FHIP1A: variants seen among roughly 807,000 people sequenced by gnomAD.
FHIP1A encodes the protein FHF complex subunit HOOK interacting protein 1A, also known as FHF complex subunit HOOK-interacting protein 1A.
Under a neutral mutation model 88.6 loss-of-function variants are expected in FHIP1A, and 61 were observed. The ratio of observed to expected loss-of-function variants is 0.69; its 90% CI spans 0.56 to 0.85. The LOEUF is 0.85. Ranked by LOEUF, FHIP1A falls within the 40% of genes least tolerant of loss-of-function variation. FHIP1A has a pLI of 0.00. For missense variants in FHIP1A, 1,154 were observed against 1,273.5 expected (o/e 0.91, Z 1.43); for synonymous variants, 478 against 496.0 (o/e 0.96, Z 0.48).
rs1054871834 is a variant in FHIP1A at position 151,429,289 on chromosome 4, A to G, written c.-356+19824A>G. Among the ~76,000 whole-genome samples the G allele has an allele frequency of 4.6e-5, 7 of 152,388 alleles. 1 individual carries two copies. In the South Asian group the frequency reaches 1.2e-3, roughly 27 times the overall value. On this transcript the variant is annotated intron_variant, in intron 1 of 13. Transcript: ENST00000435205. ...CTTAGCTCAGTACCTAGTACAGATT[A>G]GGTACACCATAAATATTTGTTGAAT...
Position 151,650,124 on chromosome 4 carries a change from G to A in FHIP1A, c.2083G>A (p.Glu695Lys). Reference protein sequence around the residue: ...LSTQPETDSEEEWNRDNSDPF... With the variant: ...LSTQPETDSEKEWNRDNSDPF... ...CACCCAGCCAGAGACAGATTCAGAG[G>A]AGGAGTGGAATAGGGACAATTCAGA... is the stretch of plus-strand genomic sequence containing the variant. Residue 695 changes from glutamate to lysine, a missense_variant, in exon 11 of 14, where the codon GAG becomes AAG. Glu to Lys is a moderately conservative substitution (Grantham distance 56). Transcript: ENST00000435205. The A allele has an allele frequency of 6.4e-7, 1 of 1,551,682 alleles. No individual in the cohort carries two copies. Among genetic ancestry groups the A allele is most frequent in the Non-Finnish European group, 8.7e-7 (1 of 1,146,998 alleles).
At chr4:151,612,672 G>A (rs544428649) in intron 7 of FHIP1A, among the ~76,000 whole-genome samples, 1 of 152,252 alleles carries the variant, frequency 6.6e-6, no homozygotes, top group South Asian at 2.1e-4. Flanking sequence ...GTGAGCCACC[G>A]CACTCAGTCT....
Position 151,461,600 on chromosome 4 carries a change from A to G in FHIP1A, c.-248+6792A>G, listed in dbSNP as rs150874570. On this transcript the variant is annotated intron_variant, in intron 2 of 13. Coordinates refer to ENST00000435205, the MANE Select transcript of FHIP1A (RefSeq NM_001109977.3). ...CAAAACATCGCTAGGTACCCCATGG[A>G]TATGTATAATTATCATATGCCAATT... 4.1e-3 allele frequency among the ~76,000 whole-genome samples: 622 copies of G among 152,318 alleles called. 6 individuals carry two copies. The highest frequency in any genetic ancestry group is 0.014 in the African/African-American group (587 of 41,566).
chr4:151,549,994 AG>A (rs1007826893), intron 3 of FHIP1A, among the ~76,000 whole-genome samples: 112 of 152,146 alleles, frequency 7.4e-4, no homozygotes, highest in African/African-American at 2.5e-3. Flanking sequence ...ATCTTTAAAA[AG>A]GGTTTATTTT....
intron 9 of FHIP1A, among the ~76,000 whole-genome samples, chr4:151,643,740 C>T (rs1736683682): frequency 6.6e-6 from 1 of 152,196 alleles, no homozygotes; most frequent in Non-Finnish European, 1.5e-5. Context: ...CCTCTGAGAA[C>T]CACCATTCAG....
intron 5 of FHIP1A, among the ~76,000 whole-genome samples, chr4:151,585,420 C>G (rs1734174229): frequency 6.6e-6 from 1 of 152,102 alleles, no homozygotes; most frequent in African/African-American, 2.4e-5. Flanking sequence ...TTCAAGTGAT[C>G]CACTCACCTC....
rs895541951 is a variant in FHIP1A at position 151,488,253 on chromosome 4, G to A, written c.-123+5605G>A. ...ATATTGTGTGATGCTGAGGTTTGGG[G>A]TATAAATGGTCCTGTCACCTAGGTA... On this transcript the variant is annotated intron_variant, in intron 3 of 13. Transcript: ENST00000435205. 2.0e-5 allele frequency among the ~76,000 whole-genome samples: 3 copies of A among 152,110 alleles called. No homozygotes were observed. The East Asian group carries it at 5.8e-4, about 29-fold the overall frequency.
intron 3 of FHIP1A, among the ~76,000 whole-genome samples, chr4:151,496,090 G>A (rs1730450036): frequency 6.6e-6 from 1 of 151,940 alleles, no homozygotes; most frequent in Non-Finnish European, 1.5e-5. Flanking sequence ...GGAAGAATAA[G>A]CCCATGGCAT....
At chr4:151,560,739 C>G (rs764671656) in intron 3 of FHIP1A, among the ~76,000 whole-genome samples, 2 of 152,138 alleles carry the variant, frequency 1.3e-5, no homozygotes, top group Admixed American at 6.6e-5. Context: ...CAACAAATCA[C>G]CCTATGTGTA....
At chr4:151,478,190 G>C (rs1729775395) in intron 2 of FHIP1A, among the ~76,000 whole-genome samples, 1 of 152,076 alleles carries the variant, frequency 6.6e-6, no homozygotes. Flanking sequence ...ATCCACACCA[G>C]TGAATTCTCT....
At chr4:151,639,896 T>C (rs7689266) in intron 9 of FHIP1A, among the ~76,000 whole-genome samples, 42,906 of 151,994 alleles carry the variant, frequency 0.28, 6,351 homozygotes, top group Non-Finnish European at 0.33. Context: ...TGGGTGGAGC[T>C]GAGAGTGGGG....
chr4:151,410,436 C>A (rs1732578667), intron 1 of FHIP1A, among the ~76,000 whole-genome samples: 1 of 152,238 alleles, frequency 6.6e-6, no homozygotes, highest in East Asian at 1.9e-4. Context: ...CTATCAAATT[C>A]ATCTCATTAG....
chr4:151,648,995 G>C lies in FHIP1A; in HGVS notation c.1418-464G>C, dbSNP rs368337009. On this transcript the variant is annotated intron_variant, in intron 10 of 13. Transcript: ENST00000435205. ...CCAGGAAGACAGAATGAGTTAATAG[G>C]CTTTTCTAAAAACCCAGGATTTTTC... Among the ~76,000 whole-genome samples the C allele has an allele frequency of 1.1e-4, 17 of 152,070 alleles. No homozygotes were observed. In the East Asian group the frequency reaches 2.1e-3, roughly 19 times the overall value.
At chr4:151,509,603 C>G (rs1439129298) in intron 3 of FHIP1A, among the ~76,000 whole-genome samples, 2 of 152,098 alleles carry the variant, frequency 1.3e-5, no homozygotes, top group Non-Finnish European at 2.9e-5. Flanking sequence ...TCATTCTCAG[C>G]TGACACATAA....
intron 2 of FHIP1A, among the ~76,000 whole-genome samples, chr4:151,469,217 A>G (rs2126613727): frequency 6.6e-6 from 1 of 152,276 alleles, no homozygotes; most frequent in Non-Finnish European, 1.5e-5. Context: ...AAATTTCACA[A>G]TCCTATATTA....
At position 151,627,972 on chromosome 4, in the gene FHIP1A, G is replaced by C. The variant is rs550563155; in HGVS notation, c.979-1730G>C. ...TAGGAGTGCTTCATATATGGGACTA[G>C]AAAACATCAGGAAACACAAAGACGG... On this transcript the variant is annotated intron_variant, in intron 7 of 13. Transcript: ENST00000435205. Among the ~76,000 whole-genome samples, 3 of 152,240 alleles carry C rather than the reference G, an allele frequency of 2.0e-5. No homozygotes were observed. The South Asian group carries it at 6.2e-4, about 32-fold the overall frequency.
intron 2 of FHIP1A, among the ~76,000 whole-genome samples, chr4:151,455,179 A>G (rs2724570): frequency 0.35 from 53,506 of 152,040 alleles, 10,025 homozygotes; most frequent in Non-Finnish European, 0.43. Flanking sequence ...CACAACTTAT[A>G]TTTTTCTTCA....
At chr4:151,418,207 C>G (rs1016639541) in intron 1 of FHIP1A, among the ~76,000 whole-genome samples, 3 of 141,070 alleles carry the variant, frequency 2.1e-5, no homozygotes, top group Non-Finnish European at 4.7e-5. Context: ...AAGAGAAACT[C>G]TGACAACATG....
intron 7 of FHIP1A, among the ~76,000 whole-genome samples, chr4:151,612,501 C>T (rs1735362017): frequency 6.6e-6 from 1 of 152,198 alleles, no homozygotes; most frequent in South Asian, 2.1e-4. Context: ...CTGCCTCAGC[C>T]TCCCAAGTAG....
Sources: gnomAD v4.1 joint callset for allele counts (sites outside exome capture counted in the v4.1 genomes callset) on GRCh38, gnomAD v4.1.1 for gene constraint, MANE v1.5 for transcripts, NCBI Gene and HGNC (gene_info 2026-07-23, HGNC 2026-07-21) for gene names.